The following KIRREL3 variants were observed in gnomAD, a reference collection of about 807,000 sequenced individuals.
The protein encoded by KIRREL3 is kin of IRRE-like protein 3.
Under a neutral mutation model 89.7 loss-of-function variants are expected in KIRREL3, and 36 were observed. The observed-to-expected ratio is 0.40, with a 90% CI of 0.31 to 0.53. KIRREL3 has a LOEUF of 0.53. KIRREL3 is among the 20% of genes least tolerant of loss of function. The probability of loss-of-function intolerance (pLI) is 0.49; values close to 1 mark genes in which losing one functional copy is unlikely to be tolerated. For synonymous variants in KIRREL3, 445 were observed against 441.4 expected, an observed-to-expected ratio of 1.01 and a Z score of -0.10; for missense variants, 864 against 1,056.6, an observed-to-expected ratio of 0.82 and a Z score of 2.53.
At chr11:126,916,489 A>G (rs1947044534) in intron 1 of KIRREL3, among the ~76,000 whole-genome samples, 1 of 152,202 alleles carries the variant, frequency 6.6e-6, no homozygotes, top group Non-Finnish European at 1.5e-5. Context: ...ATAGTTTACG[A>G]ACTGCAAAAT....
Position 126,946,277 on chromosome 11 carries a change from C to G in KIRREL3, c.55+54178G>C, listed in dbSNP as rs941160937. On this transcript the variant is annotated intron_variant, in intron 1 of 16. Coordinates refer to ENST00000525144, the MANE Select transcript of KIRREL3 (RefSeq NM_032531.4). The surrounding 1 kb of genome is among the most constrained non-coding windows in gnomAD (Gnocchi z 4.1). The stretch of plus-strand genomic sequence containing the variant: ...CATGCCCCAGACTGCGGCCTCCAGA[C>G]TCTGCTACTAGCCAGCCACTCTTGT... Among the ~76,000 whole-genome samples, 1 of 152,198 alleles carries G rather than the reference C, an allele frequency of 6.6e-6. No homozygotes were observed. The highest frequency in any genetic ancestry group is 1.5e-5 in the Non-Finnish European group (1 of 68,044).
rs1420483532 is a variant in KIRREL3, at chr11:126,990,349, G to A, written c.55+10106C>T. On this transcript the variant is annotated intron_variant, in intron 1 of 16. Transcript: ENST00000525144. This position sits in a 1 kb window ranked among gnomAD's most constrained non-coding sequence, Gnocchi z 6.3. The stretch of plus-strand genomic sequence containing the variant: ...CCACCCTCACACCCTGCAGAATCAG[G>A]AGAGAGGAACCCGCCTCCTGCGAGA... 1.3e-5 allele frequency among the ~76,000 whole-genome samples: 2 copies of A among 152,082 alleles called. No individual in the cohort carries two copies. The highest frequency in any genetic ancestry group is 2.4e-5 in the African/African-American group (1 of 41,400).
In KIRREL3 at chr11:126,847,484, T is replaced by C. The variant is rs77995174; in HGVS notation, c.55+152971A>G. On this transcript the variant is annotated intron_variant, in intron 1 of 16. Coordinates refer to ENST00000525144, the MANE Select transcript of KIRREL3 (RefSeq NM_032531.4). ...AAAAAAAGATGGCTTATAATCAATATAGGACCTTAACAGGTGCTCTTAAAT... is the reference window on the plus strand; with the variant it reads ...AAAAAAAGATGGCTTATAATCAATACAGGACCTTAACAGGTGCTCTTAAAT... 5.0e-3 allele frequency among the ~76,000 whole-genome samples: 760 copies of C among 152,232 alleles called. 4 individuals carry two copies. The highest frequency in any genetic ancestry group is 8.0e-3 in the Non-Finnish European group (547 of 68,012).
intron 1 of KIRREL3, among the ~76,000 whole-genome samples, chr11:126,923,237 CTTCTTCTTCTTCTTCTTCTTCTTCTT>C (rs1947509934): frequency 1.9e-5 from 1 of 54,004 alleles, no homozygotes; most frequent in Non-Finnish European, 3.9e-5. Flanking sequence ...TCTTCTTCTT[CTTCTTCTTCTTCTTCTTCTTCTTCTT>C]CTTCTCCTTC....
intron 2 of KIRREL3, among the ~76,000 whole-genome samples, chr11:126,548,037 T>C (rs537290230): frequency 6.6e-6 from 1 of 152,272 alleles, no homozygotes; most frequent in South Asian, 2.1e-4. Context: ...TGTGCAAAAG[T>C]ACCCTCCTTG....
chr11:126,958,410 C>A (rs777843893), intron 1 of KIRREL3, among the ~76,000 whole-genome samples: 2 of 152,226 alleles, frequency 1.3e-5, no homozygotes, highest in Non-Finnish European at 2.9e-5. Flanking sequence ...GGGGCCCTTT[C>A]TCATCAGCCA....
intron 1 of KIRREL3, among the ~76,000 whole-genome samples, chr11:126,790,890 G>C (rs1055713106): frequency 2.6e-5 from 4 of 152,158 alleles, no homozygotes; most frequent in African/African-American, 9.7e-5. Flanking sequence ...GGGGGCAAAT[G>C]ACGGATGGAA....
Position 126,476,755 on chromosome 11 carries a change from G to T in KIRREL3, c.434-3289C>A, listed in dbSNP as rs533203397. 1.1e-4 allele frequency among the ~76,000 whole-genome samples: 16 copies of T among 152,248 alleles called. 1 individual carries two copies. Among genetic ancestry groups the T allele is most frequent in the Admixed American group, 3.9e-4 (6 of 15,308 alleles). ...CAGTCGCTCTTGGCAGCTGTGTCTG[G>T]CGTGGAAGGGGGCTCCTCATTACCT... On this transcript the variant is annotated intron_variant, in intron 4 of 16. Transcript: ENST00000525144. This position sits in a 1 kb window ranked among gnomAD's most constrained non-coding sequence, Gnocchi z 6.4.
chr11:126,537,572 T>A lies in KIRREL3; in HGVS notation c.134-10885A>T, dbSNP rs184250903. On this transcript the variant is annotated intron_variant, in intron 2 of 16. Transcript: ENST00000525144. This position sits in a 1 kb window ranked among gnomAD's most constrained non-coding sequence, Gnocchi z 4.3. ...TCACCTGCCTGGAGTACCTAACCGA[T>A]GGGTCACCTGTCGGAGCCTGGGTCC... 6.6e-6 allele frequency among the ~76,000 whole-genome samples: 1 copy of A among 152,120 alleles called. No homozygotes were observed. Among genetic ancestry groups the A allele is most frequent in the East Asian group, 1.9e-4 (1 of 5,182 alleles).
At chr11:126,959,761 T>C (rs906414384) in intron 1 of KIRREL3, among the ~76,000 whole-genome samples, 3 of 152,102 alleles carry the variant, frequency 2.0e-5, no homozygotes, top group Non-Finnish European at 2.9e-5. Context: ...TTTCACTCAT[T>C]ACCCAACCTG....
chr11:126,634,917 G>C (rs1009688195), intron 1 of KIRREL3, among the ~76,000 whole-genome samples: 1 of 152,116 alleles, frequency 6.6e-6, no homozygotes, highest in East Asian at 1.9e-4. Context: ...GGGAAGTGTG[G>C]AGGGAGGGTA....
intron 1 of KIRREL3, among the ~76,000 whole-genome samples, chr11:126,781,255 G>A (rs1275741711): frequency 6.6e-6 from 1 of 152,080 alleles, no homozygotes; most frequent in African/African-American, 2.4e-5. Context: ...CTCTACAAGG[G>A]GGAGATGAGT....
intron 1 of KIRREL3, among the ~76,000 whole-genome samples, chr11:126,770,999 C>T (rs921211784): frequency 2.0e-5 from 3 of 152,064 alleles, no homozygotes; most frequent in African/African-American, 7.2e-5. Flanking sequence ...CCAGGCCTGG[C>T]TAATTTTTGC....
In KIRREL3 at chr11:126,879,557, A is replaced by G. The variant is rs1414643852; in HGVS notation, c.55+120898T>C. On this transcript the variant is annotated intron_variant, in intron 1 of 16. Transcript: ENST00000525144. This position sits in a 1 kb window ranked among gnomAD's most constrained non-coding sequence, Gnocchi z 5.4. ...CCACTCCTCTTTATTTTGGTCTCACAGTGAGTTTCTTACCTTCATTTTCAA... is the reference window on the plus strand; with the variant it reads ...CCACTCCTCTTTATTTTGGTCTCACGGTGAGTTTCTTACCTTCATTTTCAA... Among the ~76,000 whole-genome samples the G allele has an allele frequency of 6.6e-6, 1 of 152,102 alleles. No individual in the cohort carries two copies. The highest frequency in any genetic ancestry group is 1.5e-5 in the Non-Finnish European group (1 of 68,030).
rs1274680157 is a variant in KIRREL3 at position 126,705,867 on chromosome 11, G to T, written c.56-142955C>A. Among the ~76,000 whole-genome samples, 1 of 152,136 alleles carries T rather than the reference G, an allele frequency of 6.6e-6. No individual in the cohort carries two copies. Among genetic ancestry groups the T allele is most frequent in the Non-Finnish European group, 1.5e-5 (1 of 68,018 alleles). On this transcript the variant is annotated intron_variant, in intron 1 of 16. Coordinates refer to ENST00000525144, the MANE Select transcript of KIRREL3 (RefSeq NM_032531.4). The surrounding 1 kb of genome is among the most constrained non-coding windows in gnomAD (Gnocchi z 4.3). Reference sequence around the variant, plus strand: ...AGAAAGTGATGCTGCGTAACTTCTGGGAAAAACTTTAAGAGATTTGCTGTT... The same window carrying T: ...AGAAAGTGATGCTGCGTAACTTCTGTGAAAAACTTTAAGAGATTTGCTGTT...
intron 1 of KIRREL3, among the ~76,000 whole-genome samples, chr11:126,781,550 A>C (rs907718999): frequency 6.6e-5 from 10 of 152,294 alleles, no homozygotes; most frequent in African/African-American, 2.2e-4. Context: ...TCATTAGAAA[A>C]TTATCTGGAC....
chr11:126,906,142 C>G lies in KIRREL3; in HGVS notation c.55+94313G>C, dbSNP rs1348501983. ...CCCATCCTGCCCCTCTCTGAATTCC[C>G]TCACTCAGAGATAGGCTCTCTTTTC... On this transcript the variant is annotated intron_variant, in intron 1 of 16. Transcript: ENST00000525144. The surrounding 1 kb of genome is among the most constrained non-coding windows in gnomAD (Gnocchi z 4.1). Among the ~76,000 whole-genome samples, 1 of 152,196 alleles carries G rather than the reference C, an allele frequency of 6.6e-6. No homozygotes were observed. The highest frequency in any genetic ancestry group is 1.5e-5 in the Non-Finnish European group (1 of 68,040).
At position 126,424,835 on chromosome 11, in the gene KIRREL3, C is replaced by A. The variant is rs1364982356; in HGVS notation, c.2082G>T (p.Arg694=). ...ACGAGCTGCCCATGCCCAGCACAAA[C>A]CGCTGCCCGTAGTCGTAGAGGCGGC... The part of the protein sequence containing the change: ...GQGRLYDYGQ[R]FVLGMGSSSI... The change falls in exon 17 of 17, where the codon CGG becomes CGT. Residue 694 remains arginine (R), a synonymous_variant. Transcript: ENST00000525144. 6.2e-7 allele frequency: 1 copy of A among 1,613,936 alleles called. No individual in the cohort carries two copies. Among genetic ancestry groups the A allele is most frequent in the Non-Finnish European group, 8.5e-7 (1 of 1,179,910 alleles).
intron 1 of KIRREL3, among the ~76,000 whole-genome samples, chr11:126,597,231 G>A (rs1942439873): frequency 6.6e-6 from 1 of 152,306 alleles, no homozygotes; most frequent in African/African-American, 2.4e-5. Flanking sequence ...GCTGGTCCTG[G>A]AGCCTGGGCC....
Sources: allele counts gnomAD v4.1 joint callset (sites outside exome capture counted in the v4.1 genomes callset), GRCh38; gene constraint gnomAD v4.1.1; non-coding constraint Gnocchi (gnomAD v3.1); transcripts MANE v1.5; gene names NCBI Gene and HGNC (gene_info 2026-07-23, HGNC 2026-07-21).